Variants in AGAP1 observed in about 807,000 individuals in gnomAD.
AGAP1 encodes ArfGAP with GTPase domain, ankyrin repeat and PH domain 1.
Under a neutral mutation model 105.3 loss-of-function variants are expected in AGAP1, and 29 were observed. That is an observed-to-expected ratio of 0.28 (90% confidence interval 0.21 to 0.38). The LOEUF (loss-of-function observed/expected upper bound fraction) is 0.38, where lower values mean the gene tolerates loss of function less well. Among genes scored for constraint, AGAP1 ranks in the 10% least tolerant of loss-of-function variants. The pLI is 1.00. For missense variants in AGAP1, 998 were observed against 1,165.1 expected, an observed-to-expected ratio of 0.86 and a Z score of 2.09; for synonymous variants, 509 against 485.9, an observed-to-expected ratio of 1.05 and a Z score of -0.63.
intron 11 of AGAP1, among the ~76,000 whole-genome samples, chr2:235,921,758 C>A (rs2052191971): frequency 6.6e-6 from 1 of 152,196 alleles, no homozygotes; most frequent in Non-Finnish European, 1.5e-5. Context: ...GAATTGTACT[C>A]TTTTACAAAA....
rs532290151 is a variant in AGAP1, at chr2:235,959,612, A to G, written c.1484-8850A>G. 6.6e-6 allele frequency among the ~76,000 whole-genome samples: 1 copy of G among 151,892 alleles called. No individual in the cohort carries two copies. Among genetic ancestry groups the G allele is most frequent in the East Asian group, 1.9e-4 (1 of 5,138 alleles). On this transcript the variant is annotated intron_variant, in intron 12 of 17. Transcript: ENST00000304032. The surrounding 1 kb of genome is among the most constrained non-coding windows in gnomAD (Gnocchi z 7.3). ...TCACTGGTCTTGAGTCCCAGGTGAC[A>G]CTTCCTGCCCGACTTCTGTCTCCTG...
chr2:235,634,714 T>A (rs898099018), intron 1 of AGAP1, among the ~76,000 whole-genome samples: 20 of 152,218 alleles, frequency 1.3e-4, no homozygotes, highest in Admixed American at 1.1e-3. Flanking sequence ...CCTCATCAGA[T>A]TTCTCTGTGT....
intron 1 of AGAP1, among the ~76,000 whole-genome samples, chr2:235,684,984 C>T (rs1041904674): frequency 6.6e-6 from 1 of 152,114 alleles, no homozygotes; most frequent in African/African-American, 2.4e-5. Context: ...CCCTGTGCTC[C>T]AGGTGTGGCT....
chr2:235,962,986 A>G lies in AGAP1; in HGVS notation c.1484-5476A>G, dbSNP rs1275610198. Among the ~76,000 whole-genome samples, 1 of 152,102 alleles carries G rather than the reference A, an allele frequency of 6.6e-6. No individual in the cohort carries two copies. Among genetic ancestry groups the G allele is most frequent in the African/African-American group, 2.4e-5 (1 of 41,410 alleles). On this transcript the variant is annotated intron_variant, in intron 12 of 17. Coordinates refer to ENST00000304032, the MANE Select transcript of AGAP1 (RefSeq NM_001037131.3). The surrounding 1 kb of genome is among the most constrained non-coding windows in gnomAD (Gnocchi z 5.3). Reference sequence around the variant, plus strand: ...AACCGGTGGATCTGTGGGAATCCAGAGTCCCATGGGGCTAGAAGTGCTCGT... The same window carrying G: ...AACCGGTGGATCTGTGGGAATCCAGGGTCCCATGGGGCTAGAAGTGCTCGT...
intron 13 of AGAP1, among the ~76,000 whole-genome samples, chr2:235,996,342 C>T (rs958240318): frequency 3.9e-5 from 6 of 152,170 alleles, no homozygotes; most frequent in South Asian, 2.1e-4. Flanking sequence ...GCCCCTTGGC[C>T]GATTGGAGAT....
intron 8 of AGAP1, among the ~76,000 whole-genome samples, chr2:235,806,413 T>A (rs1219729899): frequency 6.6e-6 from 1 of 152,168 alleles, no homozygotes; most frequent in South Asian, 2.1e-4. Flanking sequence ...CACTTTCTCA[T>A]GCCATCGAGA....
intron 6 of AGAP1, chr2:235,774,080 TTG>T (rs1955670873): frequency 2.3e-6 from 1 of 433,976 alleles, no homozygotes; most frequent in Non-Finnish European, 4.7e-6. Context: ...TAATCTCAGA[TTG>T]TTTTACTGCC....
chr2:235,832,877 G>T (rs1959599068), intron 9 of AGAP1, among the ~76,000 whole-genome samples: 1 of 152,218 alleles, frequency 6.6e-6, no homozygotes, highest in Non-Finnish European at 1.5e-5. Context: ...GAGCCTAGCT[G>T]CCAGAAGGAG....
chr2:236,126,156 A>T lies in AGAP1; in HGVS notation c.*2034A>T, dbSNP rs2125990843. The T allele has an allele frequency of 6.6e-6, 1 of 152,344 alleles. No homozygotes were observed. Among genetic ancestry groups the T allele is most frequent in the South Asian group, 2.1e-4 (1 of 4,818 alleles). 9.4% of individuals were successfully genotyped at this position (152,344 alleles called of 1,614,324 possible). A position where few individuals can be genotyped will look rare whatever the true frequency, so the allele number is the denominator to read the frequency against. On this transcript the variant is annotated 3_prime_UTR_variant, in exon 18 of 18. Coordinates refer to ENST00000304032, the MANE Select transcript of AGAP1 (RefSeq NM_001037131.3). ...CTAAGTGGAGCTCACTCGTATCCAA[A>T]AGTATAACAGGTGCAGAAGCCACAA...
At chr2:235,772,048 C>T (rs1296531783) in intron 6 of AGAP1, among the ~76,000 whole-genome samples, 46 of 141,316 alleles carry the variant, frequency 3.3e-4, no homozygotes, top group Admixed American at 4.1e-4. Context: ...CAGGCTGGAA[C>T]GCAGTGGTGC....
chr2:235,686,823 A>C (rs1201495263), intron 1 of AGAP1, among the ~76,000 whole-genome samples: 1 of 149,760 alleles, frequency 6.7e-6, no homozygotes, highest in Non-Finnish European at 1.5e-5. Context: ...CCAGCTAATT[A>C]AAATAATTTT....
intron 6 of AGAP1, chr2:235,774,365 C>A (rs1482384336): frequency 1.5e-5 from 7 of 470,814 alleles, no homozygotes; most frequent in Middle Eastern, 3.4e-4. Flanking sequence ...CATGACTCAC[C>A]CCTGCTTCCA....
intron 9 of AGAP1, among the ~76,000 whole-genome samples, chr2:235,827,982 G>A (rs1190266261): frequency 6.6e-6 from 1 of 152,210 alleles, no homozygotes. Context: ...CAGGACTGAG[G>A]CTTGCCCAGC....
chr2:235,912,155 G>A (rs1212408750), intron 11 of AGAP1, among the ~76,000 whole-genome samples: 1 of 152,206 alleles, frequency 6.6e-6, no homozygotes, highest in East Asian at 1.9e-4. Flanking sequence ...ATTTTAATTT[G>A]CATTCACCTT....
At chr2:235,944,425 A>G (rs914907591) in intron 12 of AGAP1, among the ~76,000 whole-genome samples, 30 of 152,362 alleles carry the variant, frequency 2.0e-4, no homozygotes, top group Admixed American at 8.5e-4. Context: ...TTTTTAAATC[A>G]TAACTGGGTA....
intron 17 of AGAP1, among the ~76,000 whole-genome samples, chr2:236,122,058 C>A (rs1247833497): frequency 6.6e-6 from 1 of 151,114 alleles, no homozygotes; most frequent in East Asian, 2.0e-4. Flanking sequence ...CTCAAGCAAT[C>A]CCCCCACCCT....
At chr2:235,840,001 T>C (rs1960624944) in intron 9 of AGAP1, among the ~76,000 whole-genome samples, 1 of 152,364 alleles carries the variant, frequency 6.6e-6, no homozygotes, top group East Asian at 1.9e-4. Context: ...AAATAATTTA[T>C]GAGGAAAATA....
rs1233351983 is a variant in AGAP1 at position 235,788,024 on chromosome 2, A to G, written c.674-9735A>G. 2.0e-5 allele frequency among the ~76,000 whole-genome samples: 3 copies of G among 152,180 alleles called. No homozygotes were observed. Among genetic ancestry groups the G allele is most frequent in the Admixed American group, 6.5e-5 (1 of 15,286 alleles). On this transcript the variant is annotated intron_variant, in intron 6 of 17. Coordinates refer to ENST00000304032, the MANE Select transcript of AGAP1 (RefSeq NM_001037131.3). This position sits in a 1 kb window ranked among gnomAD's most constrained non-coding sequence, Gnocchi z 6.0. ...TTGACCAAGTATTATACATTCTGGG[A>G]CCTTCCTAGGCCATTGGCATCAACG...
chr2:235,911,450 T>C (rs373327047), intron 11 of AGAP1, among the ~76,000 whole-genome samples: 1 of 152,216 alleles, frequency 6.6e-6, no homozygotes, highest in Non-Finnish European at 1.5e-5. Context: ...CACACAGATA[T>C]GAAGGAAGGG....
Sources: allele counts gnomAD v4.1 joint callset (sites outside exome capture counted in the v4.1 genomes callset), GRCh38; gene constraint gnomAD v4.1.1; non-coding constraint Gnocchi (gnomAD v3.1); transcripts MANE v1.5; gene names NCBI Gene and HGNC (gene_info 2026-07-23, HGNC 2026-07-21).